Variants in CDKAL1 observed in about 807,000 individuals in gnomAD.
CDKAL1 encodes CDKAL1 threonylcarbamoyladenosine tRNA methylthiotransferase.
Under a neutral mutation model 68.2 loss-of-function variants are expected in CDKAL1, and 32 were observed. The observed-to-expected ratio is 0.47, with a 90% CI of 0.35 to 0.63. The LOEUF is 0.63. Ranked by LOEUF, CDKAL1 falls within the 30% of genes least tolerant of loss-of-function variation. The probability of loss-of-function intolerance (pLI) is 0.00; values close to 1 mark genes in which losing one functional copy is unlikely to be tolerated. For missense variants in CDKAL1, 606 were observed against 696.7 expected (o/e 0.87, Z 1.47); for synonymous variants, 234 against 244.3 (o/e 0.96, Z 0.39).
At chr6:20,557,381 A>G (rs1195371255) in intron 4 of CDKAL1, among the ~76,000 whole-genome samples, 2 of 152,154 alleles carry the variant, frequency 1.3e-5, no homozygotes, top group Non-Finnish European at 2.9e-5. Flanking sequence ...CAGCTTATAG[A>G]TATAGTTGAA....
chr6:21,178,558 AAAG>A (rs1777673198), intron 13 of CDKAL1, among the ~76,000 whole-genome samples: 2 of 152,186 alleles, frequency 1.3e-5, no homozygotes, highest in South Asian at 4.1e-4. Context: ...TACTTGGAAA[AAAG>A]AGAGGATCAC....
At chr6:20,997,514 G>A (rs1767182609) in intron 10 of CDKAL1, among the ~76,000 whole-genome samples, 1 of 149,498 alleles carries the variant, frequency 6.7e-6, no homozygotes, top group Non-Finnish European at 1.5e-5. Context: ...CTAGTGGGAA[G>A]GTTTATTTTG....
intron 15 of CDKAL1, among the ~76,000 whole-genome samples, chr6:21,219,927 T>C (rs191369640): frequency 4.6e-5 from 7 of 152,340 alleles, no homozygotes; most frequent in African/African-American, 1.7e-4. Flanking sequence ...GCTTCCTGTG[T>C]GCGCTGCATG....
In CDKAL1 at chr6:21,195,476, T is replaced by G. The variant is rs954548710; in HGVS notation, c.1300-2545T>G. ...TCGTGCCTGGCCTCTGGAGATGTTT[T>G]TTTTATTTATTTATTTATTTATTTA... is the stretch of plus-strand genomic sequence containing the variant. On this transcript the variant is annotated intron_variant, in intron 13 of 15. Transcript: ENST00000274695. 1.5e-4 allele frequency among the ~76,000 whole-genome samples: 15 copies of G among 100,814 alleles called. No individual in the cohort carries two copies. The Admixed American group carries it at 1.7e-3, about 11-fold the overall frequency. The allele number at this position is 100,814 out of a possible 152,430, so 66.1% of individuals were successfully genotyped here.
At chr6:20,641,091 T>C (rs1038103228) in intron 4 of CDKAL1, among the ~76,000 whole-genome samples, 1 of 152,222 alleles carries the variant, frequency 6.6e-6, no homozygotes, top group Non-Finnish European at 1.5e-5. Flanking sequence ...TTGGTGACTA[T>C]TATTTTCTTG....
intron 13 of CDKAL1, among the ~76,000 whole-genome samples, chr6:21,158,377 C>T (rs1002694687): frequency 1.3e-5 from 2 of 152,224 alleles, no homozygotes; most frequent in East Asian, 3.8e-4. Context: ...CCTGTCACTC[C>T]AGTGGCAGAA....
chr6:21,066,863 C>T (rs953063143), intron 12 of CDKAL1, among the ~76,000 whole-genome samples: 5 of 152,026 alleles, frequency 3.3e-5, no homozygotes, highest in South Asian at 2.1e-4. Context: ...TGGACTCAAG[C>T]GATCCTCCCA....
At chr6:20,856,828 TG>T (rs1759361787) in intron 9 of CDKAL1, among the ~76,000 whole-genome samples, 1 of 152,230 alleles carries the variant, frequency 6.6e-6, no homozygotes, top group Admixed American at 6.5e-5. Flanking sequence ...TACTGCTACC[TG>T]GTGGTTTGTA....
At chr6:21,135,741 T>A in intron 13 of CDKAL1, 1 of 978,870 alleles carries the variant, frequency 1.0e-6, no homozygotes. Context: ...ACCAAACCAT[T>A]TCATTCGCTC....
chr6:20,987,804 G>A (rs1766553513), intron 10 of CDKAL1, among the ~76,000 whole-genome samples: 1 of 152,012 alleles, frequency 6.6e-6, no homozygotes, highest in Non-Finnish European at 1.5e-5. Flanking sequence ...TTTTGGGACA[G>A]GGTCTTACTC....
intron 4 of CDKAL1, among the ~76,000 whole-genome samples, chr6:20,574,423 T>C (rs1215852946): frequency 3.3e-5 from 5 of 152,216 alleles, no homozygotes; most frequent in Admixed American, 1.3e-4. Flanking sequence ...GATAGAAATA[T>C]GATGGGCAGA....
At chr6:21,120,737 G>T (rs1774669576) in intron 13 of CDKAL1, among the ~76,000 whole-genome samples, 2 of 151,930 alleles carry the variant, frequency 1.3e-5, no homozygotes, top group Admixed American at 1.3e-4. Context: ...TCACTTTACA[G>T]TATATCTTGG....
At chr6:20,705,081 A>G (rs184786741) in intron 5 of CDKAL1, among the ~76,000 whole-genome samples, 3 of 152,316 alleles carry the variant, frequency 2.0e-5, no homozygotes, top group African/African-American at 4.8e-5. Flanking sequence ...CTTTTTTGCA[A>G]GTGTTAATTT....
At chr6:20,670,063 G>C (rs1769738221) in intron 5 of CDKAL1, among the ~76,000 whole-genome samples, 3 of 152,032 alleles carry the variant, frequency 2.0e-5, no homozygotes, top group Admixed American at 2.0e-4. Context: ...AAGTAACTCT[G>C]CTCTTTAACA....
chr6:21,141,844 A>G (rs991671675), intron 13 of CDKAL1, among the ~76,000 whole-genome samples: 3 of 152,222 alleles, frequency 2.0e-5, no homozygotes, highest in African/African-American at 7.2e-5. Context: ...GCCAGTCCAC[A>G]AACATATTGA....
chr6:20,956,585 C>T (rs1764788036), intron 10 of CDKAL1, among the ~76,000 whole-genome samples: 1 of 152,002 alleles, frequency 6.6e-6, no homozygotes, highest in Non-Finnish European at 1.5e-5. Flanking sequence ...TATGTTTGTG[C>T]AGAAAAATAA....
intron 5 of CDKAL1, among the ~76,000 whole-genome samples, chr6:20,698,159 T>A (rs1213101665): frequency 6.6e-6 from 1 of 152,214 alleles, no homozygotes; most frequent in Non-Finnish European, 1.5e-5. Context: ...AGTGTGTCTG[T>A]CTGTAACATA....
At chr6:20,959,190 G>T (rs887425473) in intron 10 of CDKAL1, among the ~76,000 whole-genome samples, 1 of 152,178 alleles carries the variant, frequency 6.6e-6, no homozygotes, top group Non-Finnish European at 1.5e-5. Context: ...AAGTAGTGAA[G>T]TGTGTGTTTG....
At chr6:21,135,235 A>T (rs1775532705) in intron 13 of CDKAL1, among the ~76,000 whole-genome samples, 1 of 151,542 alleles carries the variant, frequency 6.6e-6, no homozygotes, top group Non-Finnish European at 1.5e-5. Flanking sequence ...TTTTTGTCTT[A>T]AAAAAAAAGT....
Sources: allele counts gnomAD v4.1 joint callset (sites outside exome capture counted in the v4.1 genomes callset), GRCh38; gene constraint gnomAD v4.1.1; transcripts MANE v1.5; gene names NCBI Gene and HGNC (gene_info 2026-07-23, HGNC 2026-07-21).